Variants in LIPN observed in about 807,000 individuals in gnomAD.
LIPN encodes lipase family member N.
A neutral mutation model predicts 43.7 loss-of-function variants in LIPN; 32 were observed. The observed-to-expected ratio is 0.73, with a 90% CI of 0.55 to 0.98. The LOEUF is 0.98. Among genes scored for constraint, LIPN ranks in the 50% least tolerant of loss-of-function variants. The pLI is 0.00. For missense variants in LIPN, 505 were observed against 483.8 expected (o/e 1.04, Z -0.41); for synonymous variants, 156 against 157.6 (o/e 0.99, Z 0.08).
chr10:88,760,532 TA>T lies in LIPN; in HGVS notation c.-9+427del, dbSNP rs1842980512. Among the ~76,000 whole-genome samples, 5 of 152,274 alleles carry T rather than the reference TA, an allele frequency of 3.3e-5. No individual in the cohort carries two copies. The South Asian group carries it at 1.0e-3, about 32-fold the overall frequency. ...CTAGAAGTTAAATATTACTTTGTTA[TA>T]GTGAATTATCTGTAATATTTATCTC... On this transcript the variant is annotated intron_variant, in intron 1 of 9. Transcript: ENST00000404459.
At chr10:88,767,266 C>T (rs1843118321) in intron 5 of LIPN, among the ~76,000 whole-genome samples, 1 of 151,724 alleles carries the variant, frequency 6.6e-6, no homozygotes, top group Non-Finnish European at 1.5e-5. Flanking sequence ...CAGGCACTTT[C>T]CAAGCTCAGA....
At chr10:88,760,606 A>C (rs1290117614) in intron 1 of LIPN, among the ~76,000 whole-genome samples, 1 of 152,158 alleles carries the variant, frequency 6.6e-6, no homozygotes, top group Admixed American at 6.6e-5. Flanking sequence ...TTAAGAACTT[A>C]CACTGCACTA....
upstream of LIPN, among the ~76,000 whole-genome samples, chr10:88,758,636 T>G (rs999774241): frequency 6.6e-6 from 1 of 150,800 alleles, no homozygotes; most frequent in Non-Finnish European, 1.5e-5. Flanking sequence ...AAATACTTAT[T>G]AAAATAGCAA....
chr10:88,774,399 C>CT (rs1843260046), intron 7 of LIPN, 74 bp from the exon 8 acceptor site: 1 of 860,136 alleles, frequency 1.2e-6, no homozygotes, highest in East Asian at 2.5e-5. Flanking sequence ...TAATTCTGTG[C>CT]ATCATTTTTC....
chr10:88,768,050 AC>A, intron 5 of LIPN, among the ~76,000 whole-genome samples: 1 of 146,032 alleles, frequency 6.8e-6, no homozygotes, highest in African/African-American at 2.6e-5. Context: ...ACACACACAC[AC>A]ACACACACAC....
In LIPN at chr10:88,761,425, C is replaced by A. The variant is rs779660657; in HGVS notation, c.20C>A (p.Thr7Lys). The change falls in exon 2 of 10, where the codon ACA (threonine) becomes AAA (lysine). Residue 7 changes from threonine to lysine, a missense_variant. Thr to Lys is a moderately conservative substitution (Grantham distance 78). Coordinates refer to ENST00000404459, the MANE Select transcript of LIPN (RefSeq NM_001102469.2). Reference protein sequence around the residue: MMWLLLTTTCLICGTLN... With the variant: MMWLLLKTTCLICGTLN... ...ATTTCTATGATGTGGCTGCTTTTAACAACAACTTGTTTGATCTGTGGAACT... is the reference window on the plus strand; with the variant it reads ...ATTTCTATGATGTGGCTGCTTTTAAAAACAACTTGTTTGATCTGTGGAACT... The A allele has an allele frequency of 1.2e-6, 2 of 1,611,816 alleles. No individual in the cohort carries two copies. Among genetic ancestry groups the A allele is most frequent in the Non-Finnish European group, 1.7e-6 (2 of 1,178,662 alleles).
Position 88,766,756 on chromosome 10 carries a change from A to G in LIPN, c.535+378A>G, listed in dbSNP as rs192051827. The stretch of plus-strand genomic sequence containing the variant: ...GAAACATAATAAATGTGCATCAATC[A>G]TCTCTTTCTCACAACCCAAATGGGA... On this transcript the variant is annotated intron_variant, in intron 5 of 9. Transcript: ENST00000404459. Among the ~76,000 whole-genome samples, 3 of 152,102 alleles carry G rather than the reference A, an allele frequency of 2.0e-5. No individual in the cohort carries two copies. The East Asian group carries it at 5.8e-4, about 29-fold the overall frequency.
chr10:88,761,377 A>G (rs374984598), intron 1 of LIPN, 21 bp from the exon 2 acceptor site: 91 of 1,304,342 alleles, frequency 7.0e-5, no homozygotes, highest in Non-Finnish European at 9.2e-5. Context: ...TAATCTGTGA[A>G]TATTAAATGT....
In LIPN at chr10:88,764,758, GCT is replaced by G. The variant is rs555893504; in HGVS notation, c.425+153_425+154del. The stretch of plus-strand genomic sequence containing the variant: ...TCTCAAAGGAGGGTAACAGCAAGAA[GCT>G]CTGATTTTTCACTGATTCTCCCACA... On this transcript the variant is annotated intron_variant, in intron 4 of 9. Coordinates refer to ENST00000404459, the MANE Select transcript of LIPN (RefSeq NM_001102469.2). 9.8e-5 allele frequency: 52 copies of G among 532,290 alleles called. No homozygotes were observed. The Admixed American group carries it at 1.3e-3, about 13-fold the overall frequency. 33.0% of individuals were successfully genotyped at this position (532,290 alleles called of 1,614,324 possible). A position where few individuals can be genotyped will look rare whatever the true frequency, so the allele number is the denominator to read the frequency against.
At chr10:88,774,651 C>G (rs1313059325) in intron 8 of LIPN, 107 bp downstream of exon 8, 4 of 906,028 alleles carry the variant, frequency 4.4e-6, no homozygotes, top group Non-Finnish European at 7.0e-6. Flanking sequence ...TAAGAGCTTG[C>G]TTCCAGTTTG....
rs1842993242 is a variant in LIPN at position 88,761,385 on chromosome 10, T to A, written c.-8-13T>A. Reference sequence around the variant, plus strand: ...TTAAAATTAATCTGTGAATATTAAATGTTTTATGCCAGGCATTTCTATGAT... The same window carrying A: ...TTAAAATTAATCTGTGAATATTAAAAGTTTTATGCCAGGCATTTCTATGAT... On this transcript the variant is annotated splice_polypyrimidine_tract_variant and intron_variant, in intron 1 of 9. Transcript: ENST00000404459. 5.7e-6 allele frequency: 8 copies of A among 1,406,878 alleles called. No homozygotes were observed. Among genetic ancestry groups the A allele is most frequent in the Non-Finnish European group, 8.1e-6 (8 of 992,142 alleles). 87.1% of individuals were successfully genotyped at this position (1,406,878 alleles called of 1,614,324 possible).
chr10:88,773,698 A>T (rs1317974104), intron 7 of LIPN, among the ~76,000 whole-genome samples: 1 of 151,946 alleles, frequency 6.6e-6, no homozygotes, highest in East Asian at 1.9e-4. Flanking sequence ...AGCCAGTCCC[A>T]AGATAATTGT....
In LIPN at chr10:88,764,413, C is replaced by G; in HGVS notation, c.230C>G (p.Pro77Arg). 6.2e-7 allele frequency: 1 copy of G among 1,608,254 alleles called. No homozygotes were observed. Among genetic ancestry groups the G allele is most frequent in the Non-Finnish European group, 8.5e-7 (1 of 1,176,756 alleles). ...YGRTHARSTGPRPVVYMQHAL... is the reference protein window; with the variant it reads ...YGRTHARSTGRRPVVYMQHAL... ...ATCTTACCCTTTCCCCCACCAGGTC[C>G]CCGGCCAGTTGTGTATATGCAGCAT... Residue 77 changes from proline to arginine, a missense_variant, in exon 4 of 10, where the codon CCC becomes CGC. Pro to Arg is a moderately radical substitution (Grantham distance 103, BLOSUM62 -2). Coordinates refer to ENST00000404459, the MANE Select transcript of LIPN (RefSeq NM_001102469.2).
chr10:88,763,428 T>G (rs1333861630), intron 3 of LIPN, among the ~76,000 whole-genome samples: 1 of 152,026 alleles, frequency 6.6e-6, no homozygotes, highest in East Asian at 1.9e-4. Context: ...TAAGGAGAGA[T>G]AATTTTGGAA....
In LIPN at chr10:88,762,267, A is replaced by G. The variant is rs750900419; in HGVS notation, c.188A>G (p.Asn63Ser). 3.7e-6 allele frequency: 6 copies of G among 1,609,028 alleles called. No individual in the cohort carries two copies. Among genetic ancestry groups the G allele is most frequent in the African/African-American group, 1.3e-5 (1 of 74,918 alleles). Residue 63 changes from asparagine (N) to serine (S), a missense_variant, in exon 3 of 10, where the codon AAC becomes AGC. By Grantham distance (46) the Asn-to-Ser change is conservative. Transcript: ENST00000404459. ...TTEDGYILLV[N>S]RIPYGRTHAR... ...GAAGATGGGTATATACTCCTTGTCA[A>G]CAGAATTCCTTATGGGCGAACACAT...
At chr10:88,771,748 T>G (rs146507762) in intron 7 of LIPN, among the ~76,000 whole-genome samples, 2,551 of 151,782 alleles carry the variant, frequency 0.017, 29 homozygotes, top group Non-Finnish European at 0.026. Context: ...GATTTCCTTT[T>G]TTTTTTTTTG....
intron 6 of LIPN, among the ~76,000 whole-genome samples, chr10:88,770,133 G>A (rs555366923): frequency 2.0e-4 from 30 of 151,666 alleles, no homozygotes; most frequent in East Asian, 1.4e-3. Context: ...CTTTTCTTCC[G>A]TCAGTTTCCC....
Position 88,764,402 on chromosome 10 carries a change from C to A in LIPN, c.227-8C>A. On this transcript the variant is annotated splice_polypyrimidine_tract_variant and splice_region_variant and intron_variant, in intron 3 of 9. Transcript: ENST00000404459. Reference sequence around the variant, plus strand: ...CTCCCTCTCTCATCTTACCCTTTCCCCCACCAGGTCCCCGGCCAGTTGTGT... The same window carrying A: ...CTCCCTCTCTCATCTTACCCTTTCCACCACCAGGTCCCCGGCCAGTTGTGT... 1 of 1,604,738 alleles carries A rather than the reference C, an allele frequency of 6.2e-7. No homozygotes were observed. Among genetic ancestry groups the A allele is most frequent in the Non-Finnish European group, 8.5e-7 (1 of 1,174,508 alleles).
At chr10:88,771,084 A>G in intron 7 of LIPN, 93 bp downstream of exon 7, 1 of 1,104,176 alleles carries the variant, frequency 9.1e-7, no homozygotes. Flanking sequence ...GTATAAATTC[A>G]TATGGTATTC....
Sources: allele counts gnomAD v4.1 joint callset (sites outside exome capture counted in the v4.1 genomes callset), GRCh38; gene constraint gnomAD v4.1.1; transcripts MANE v1.5; gene names NCBI Gene and HGNC (gene_info 2026-07-23, HGNC 2026-07-21).